GNG7: variants seen among roughly 807,000 people sequenced by gnomAD.
GNG7 encodes the protein guanine nucleotide-binding protein G(I)/G(S)/G(O) subunit gamma-7.
In GNG7, 1 loss-of-function variant was observed where a neutral mutation model predicts 4.0. That is an observed-to-expected ratio of 0.25 (90% confidence interval 0.09 to 1.18). The LOEUF (loss-of-function observed/expected upper bound fraction) is 1.18, where lower values mean the gene tolerates loss of function less well. Among genes scored for constraint, GNG7 ranks in the 50% most tolerant of loss-of-function variants. The pLI, the probability that GNG7 is intolerant of heterozygous loss-of-function variation, is 0.50. For missense variants in GNG7, 86 were observed against 91.9 expected, an observed-to-expected ratio of 0.94 and a Z score of 0.26; for synonymous variants, 34 against 36.9, an observed-to-expected ratio of 0.92 and a Z score of 0.29.
intron 3 of GNG7, among the ~76,000 whole-genome samples, chr19:2,526,852 CTT>C (rs972238190): frequency 6.9e-6 from 1 of 145,752 alleles, no homozygotes; most frequent in Non-Finnish European, 1.5e-5. Flanking sequence ...TTTATCTTAA[CTT>C]TTTTTTTTTG....
rs140748533 is a variant in GNG7, at chr19:2,688,407, G to T, written c.-135+14239C>A. 9.8e-5 allele frequency among the ~76,000 whole-genome samples: 15 copies of T among 152,318 alleles called. No homozygotes were observed. The East Asian group carries it at 2.7e-3, about 27-fold the overall frequency. On this transcript the variant is annotated intron_variant, in intron 1 of 4. Coordinates refer to ENST00000382159, the MANE Select transcript of GNG7 (RefSeq NM_052847.3). Reference sequence around the variant, plus strand: ...AGGTGGGCTAAGGCCACCTGGGCTGGGAGAACCAGGTTAACAGCACCAGTA... The same window carrying T: ...AGGTGGGCTAAGGCCACCTGGGCTGTGAGAACCAGGTTAACAGCACCAGTA...
chr19:2,620,068 G>A (rs866141721), intron 2 of GNG7, among the ~76,000 whole-genome samples: 4 of 151,570 alleles, frequency 2.6e-5, no homozygotes, highest in East Asian at 3.9e-4. Context: ...ATGGTGGTGC[G>A]CGCCTGTATT....
At chr19:2,520,474 G>C (rs3764583) in intron 4 of GNG7, 134 bp downstream of exon 4, 340,923 of 590,572 alleles carry the variant, frequency 0.58, 99,189 homozygotes, top group Non-Finnish European at 0.6. Context: ...GAGGTTAAGG[G>C]AGGGCCTCAA....
At chr19:2,637,656 G>A (rs1431331719) in intron 2 of GNG7, among the ~76,000 whole-genome samples, 16 of 152,174 alleles carry the variant, frequency 1.1e-4, no homozygotes, top group Admixed American at 8.5e-4. Context: ...CACTAATTCC[G>A]TCCCCTCTAC....
intron 1 of GNG7, among the ~76,000 whole-genome samples, chr19:2,659,161 A>C (rs1035250353): frequency 1.3e-5 from 2 of 149,652 alleles, no homozygotes; most frequent in Admixed American, 6.7e-5. Flanking sequence ...AGTAGAGACG[A>C]GGTTTCACCG....
chr19:2,570,092 T>G (rs948647239), intron 2 of GNG7, among the ~76,000 whole-genome samples: 3 of 152,010 alleles, frequency 2.0e-5, no homozygotes, highest in African/African-American at 7.2e-5. Context: ...CCCTCGGGAA[T>G]GAGCGAGTTC....
intron 1 of GNG7, among the ~76,000 whole-genome samples, chr19:2,686,953 C>T (rs983883940): frequency 3.3e-5 from 5 of 151,648 alleles, no homozygotes; most frequent in Admixed American, 2.0e-4. Flanking sequence ...GGGGTTTCAC[C>T]GTGTTAGCCA....
intron 1 of GNG7, among the ~76,000 whole-genome samples, chr19:2,678,445 A>G (rs1983648806): frequency 6.6e-6 from 1 of 152,192 alleles, no homozygotes; most frequent in African/African-American, 2.4e-5. Context: ...ACAGAGGAAA[A>G]GCCACGGAAT....
At chr19:2,549,716 G>A (rs1484603600) in intron 3 of GNG7, among the ~76,000 whole-genome samples, 1 of 152,086 alleles carries the variant, frequency 6.6e-6, no homozygotes, top group Non-Finnish European at 1.5e-5. Context: ...GCAGCTACCA[G>A]GCACCAGCTG....
chr19:2,643,545 G>A (rs562377713), intron 2 of GNG7: 131 of 360,198 alleles, frequency 3.6e-4, no homozygotes, highest in African/African-American at 3.2e-3. Context: ...CATGTCCACT[G>A]GAAATGCAAA....
rs986257794 is a variant in GNG7, at chr19:2,634,305, C to T, written c.-78+11919G>A. 3.3e-5 allele frequency among the ~76,000 whole-genome samples: 5 copies of T among 152,216 alleles called. No individual in the cohort carries two copies. Among genetic ancestry groups the T allele is most frequent in the African/African-American group, 1.2e-4 (5 of 41,454 alleles). ...CACTGCGGGGTGCTGAGCAGTATCC[C>T]TGGCCTCCACCCACTCCATGCCAGG... On this transcript the variant is annotated intron_variant, in intron 2 of 4. Transcript: ENST00000382159. The surrounding 1 kb of genome is among the most constrained non-coding windows in gnomAD (Gnocchi z 5.3).
rs193239951 is a variant in GNG7, at chr19:2,672,899, A to G, written c.-134-26619T>C. Among the ~76,000 whole-genome samples the G allele has an allele frequency of 3.4e-4, 51 of 152,226 alleles. 1 individual carries two copies. In the East Asian group the frequency reaches 7.9e-3, roughly 24 times the overall value. ...AGCCCTGAACCCCAGACTATTCAAG[A>G]GCAAACATCATGGAAACTCACGTTG... On this transcript the variant is annotated intron_variant, in intron 1 of 4. Transcript: ENST00000382159.
chr19:2,513,228 G>T lies in GNG7; in HGVS notation c.*1794C>A. 1.3e-6 allele frequency: 1 copy of T among 764,836 alleles called. No individual in the cohort carries two copies. 47.4% of individuals were successfully genotyped at this position (764,836 alleles called of 1,614,324 possible). A position where few individuals can be genotyped will look rare whatever the true frequency, so the allele number is the denominator to read the frequency against. The stretch of plus-strand genomic sequence containing the variant: ...CCAAGCAGGGATCCCCGCCTCACGG[G>T]CCTGCACGGAGGACCTGGGCGGCCG... On this transcript the variant is annotated 3_prime_UTR_variant, in exon 5 of 5. Transcript: ENST00000382159.
At chr19:2,693,278 T>G (rs1432461600) in intron 1 of GNG7, among the ~76,000 whole-genome samples, 1 of 150,854 alleles carries the variant, frequency 6.6e-6, no homozygotes, top group Non-Finnish European at 1.5e-5. Flanking sequence ...TAGCTGGGCA[T>G]AGTGATCTCT....
intron 2 of GNG7, among the ~76,000 whole-genome samples, chr19:2,644,453 G>C (rs1982612625): frequency 3.0e-5 from 3 of 100,060 alleles, no homozygotes; most frequent in Admixed American, 2.9e-4. Flanking sequence ...CATTTAAAAT[G>C]CATAATTCTT....
In GNG7 at chr19:2,550,150, G is replaced by A. The variant is rs181566009; in HGVS notation, c.-38+4999C>T. ...TGTTTGGGTTGAGACTGGCTCACAG[G>A]AAGTGGGTAGAATGCAGCAGAAGGA... On this transcript the variant is annotated intron_variant, in intron 3 of 4. Transcript: ENST00000382159. 3.0e-3 allele frequency among the ~76,000 whole-genome samples: 450 copies of A among 152,292 alleles called. 2 individuals are homozygous for A. Among genetic ancestry groups the A allele is most frequent in the African/African-American group, 9.9e-3 (412 of 41,566 alleles).
At chr19:2,620,558 A>C (rs1277226962) in intron 2 of GNG7, among the ~76,000 whole-genome samples, 97 of 152,270 alleles carry the variant, frequency 6.4e-4, no homozygotes, top group Non-Finnish European at 1.0e-4. Context: ...AAGCAACTAA[A>C]GGCAAAAGAG....
At chr19:2,525,366 A>G (rs910893709) in intron 3 of GNG7, among the ~76,000 whole-genome samples, 3 of 152,152 alleles carry the variant, frequency 2.0e-5, no homozygotes, top group Non-Finnish European at 4.4e-5. Context: ...ATAAAACTGA[A>G]GAGGGACGCC....
intron 2 of GNG7, among the ~76,000 whole-genome samples, chr19:2,575,848 GACACGCAGGC>G (rs1980313083): frequency 9.1e-6 from 1 of 109,876 alleles, no homozygotes; most frequent in South Asian, 3.0e-4. Flanking sequence ...GGCACACGCA[GACACGCAGGC>G]ACACGCAGAC....
Sources: allele counts gnomAD v4.1 joint callset (sites outside exome capture counted in the v4.1 genomes callset), GRCh38; gene constraint gnomAD v4.1.1; non-coding constraint Gnocchi (gnomAD v3.1); transcripts MANE v1.5; gene names NCBI Gene and HGNC (gene_info 2026-07-23, HGNC 2026-07-21).